LOXHD1: variants seen among roughly 807,000 people sequenced by gnomAD.
The protein encoded by LOXHD1 is lipoxygenase homology domain-containing protein 1.
LOXHD1 carries 205 observed loss-of-function variants against 248.2 expected under a neutral mutation model. The observed-to-expected ratio is 0.83, with a 90% confidence interval of 0.74 to 0.93. The LOEUF (loss-of-function observed/expected upper bound fraction) is 0.93. LOXHD1 is among the 40% of genes least tolerant of loss of function. The probability of loss-of-function intolerance (pLI) is 0.00; values close to 1 mark genes in which losing one functional copy is unlikely to be tolerated. For missense variants in LOXHD1, 2,930 were observed against 2,971.6 expected (o/e 0.99, Z 0.33); for synonymous variants, 1,113 against 1,162.8 (o/e 0.96, Z 0.87).
intron 8 of LOXHD1, among the ~76,000 whole-genome samples, chr18:46,595,321 G>A (rs1368098714): frequency 1.3e-5 from 2 of 152,174 alleles, no homozygotes; most frequent in African/African-American, 2.4e-5. Flanking sequence ...CTAAGAGATG[G>A]TGGGAGGGGA....
intron 23 of LOXHD1, 45 bp downstream of exon 23, chr18:46,545,272 T>C (rs994270905): frequency 7.1e-7 from 1 of 1,406,664 alleles, no homozygotes; most frequent in African/African-American, 1.4e-5. Flanking sequence ...CTGGTCTCCC[T>C]GGGGAAGAAT....
intron 38 of LOXHD1, 124 bp from the exon 39 acceptor site, chr18:46,485,275 G>A: frequency 8.0e-6 from 9 of 1,127,080 alleles, no homozygotes; most frequent in Middle Eastern, 5.5e-4. Flanking sequence ...GGGGGTGGGG[G>A]AGGCAGGTTA....
At chr18:46,548,830 A>G (rs2036962084) in intron 21 of LOXHD1, among the ~76,000 whole-genome samples, 1 of 152,200 alleles carries the variant, frequency 6.6e-6, no homozygotes, top group South Asian at 2.1e-4. Flanking sequence ...CCTCCCATGC[A>G]TACAAAGAGA....
At position 46,526,685 on chromosome 18, in the gene LOXHD1, G is replaced by A. The variant is rs1214928441; in HGVS notation, c.4531-1768C>T. On this transcript the variant is annotated intron_variant, in intron 29 of 40. Coordinates refer to ENST00000642948, the MANE Select transcript of LOXHD1 (RefSeq NM_001384474.1). ...ACCCATGGGGAGCCTTTGCAGGCTT[G>A]CACTGAAAGAGTGACTGGTCAGTTT... 3.3e-5 allele frequency among the ~76,000 whole-genome samples: 5 copies of A among 152,230 alleles called. No homozygotes were observed. In the East Asian group the frequency reaches 9.6e-4, roughly 29 times the overall value.
intron 37 of LOXHD1, among the ~76,000 whole-genome samples, chr18:46,501,765 T>C (rs1445313306): frequency 6.6e-6 from 1 of 152,170 alleles, no homozygotes; most frequent in African/African-American, 2.4e-5. Context: ...CCGTGAATAG[T>C]GAGAGCCAGC....
intron 29 of LOXHD1, 135 bp from the exon 30 acceptor site, chr18:46,525,052 G>C (rs2035767856): frequency 1.0e-6 from 1 of 1,004,338 alleles, no homozygotes; most frequent in Non-Finnish European, 1.5e-6. Context: ...GAGCCCTCCA[G>C]GCCCAAATCC....
chr18:46,535,094 A>G (rs965976540), intron 26 of LOXHD1, among the ~76,000 whole-genome samples: 1 of 152,150 alleles, frequency 6.6e-6, no homozygotes, highest in Admixed American at 6.5e-5. Flanking sequence ...TCTTCATGAC[A>G]GGCTCTTGTT....
intron 37 of LOXHD1, among the ~76,000 whole-genome samples, chr18:46,503,701 A>T (rs2034381121): frequency 1.3e-5 from 2 of 152,218 alleles, no homozygotes; most frequent in Admixed American, 1.3e-4. Context: ...TTCTTTCCAC[A>T]GACTCATAAT....
At chr18:46,540,652 A>ATATT (rs2036517962) in intron 25 of LOXHD1, among the ~76,000 whole-genome samples, 1 of 90,898 alleles carries the variant, frequency 1.1e-5, no homozygotes, top group African/African-American at 3.3e-5. Context: ...CAAACTCTTT[A>ATATT]TCTTTTTTTT....
chr18:46,543,874 G>C (rs1282307849), intron 23 of LOXHD1, among the ~76,000 whole-genome samples: 1 of 152,138 alleles, frequency 6.6e-6, no homozygotes, highest in African/African-American at 2.4e-5. Context: ...GGGAAACATG[G>C]GATTTCCTTC....
In LOXHD1 at chr18:46,505,960, A is replaced by G. The variant is rs1386527828; in HGVS notation, c.5756T>C (p.Leu1919Pro). 1 of 1,552,236 alleles carries G rather than the reference A, an allele frequency of 6.4e-7. No individual in the cohort carries two copies. The highest frequency in any genetic ancestry group is 8.7e-7 in the Non-Finnish European group (1 of 1,147,110). ...IFGENGDSGT[L>P]ALKQSANWNK... ...CCAGTTTGCCGACTGCTTCAGGGCC[A>G]GTGTCCCACTATCCCCGTTCTCCCC... Residue 1919 changes from leucine (L) to proline (P), a missense_variant, in exon 37 of 41, where the codon CTG becomes CCG. By Grantham distance (98) the Leu-to-Pro change is moderately conservative. Transcript: ENST00000642948.
At chr18:46,652,578 T>C (rs1407626067) in intron 1 of LOXHD1, among the ~76,000 whole-genome samples, 1 of 152,124 alleles carries the variant, frequency 6.6e-6, no homozygotes, top group Admixed American at 6.5e-5. Context: ...GGCAAGAAGG[T>C]GGAGCCATTG....
intron 37 of LOXHD1, among the ~76,000 whole-genome samples, chr18:46,492,815 A>G (rs2033581291): frequency 6.6e-6 from 1 of 152,202 alleles, no homozygotes; most frequent in African/African-American, 2.4e-5. Context: ...GTTGCCTGGT[A>G]TTTCATTGAA....
At chr18:46,540,470 C>T (rs1394447592) in intron 25 of LOXHD1, among the ~76,000 whole-genome samples, 1 of 152,120 alleles carries the variant, frequency 6.6e-6, no homozygotes, top group Non-Finnish European at 1.5e-5. Context: ...GGGTTTCTCC[C>T]TGACCCAAGA....
At chr18:46,579,275 T>C (rs1467127823) in intron 13 of LOXHD1, among the ~76,000 whole-genome samples, 2 of 152,206 alleles carry the variant, frequency 1.3e-5, no homozygotes, top group East Asian at 3.8e-4. Context: ...CTTCCCAGTG[T>C]CCTTCTGTTC....
At position 46,509,747 on chromosome 18, in the gene LOXHD1, C is replaced by T. The variant is rs1314340409; in HGVS notation, c.5468G>A (p.Arg1823Gln). ...ILDIAPFTKM[R>Q]IRIDGLGSRP... ...ACTGCCCAGGCCATCAATCCGGATC[C>T]GCATCTTGGTGAATGGAGCAATGTC... is the stretch of plus-strand genomic sequence containing the variant. Residue 1823 changes from arginine (R) to glutamine (Q), a missense_variant, in exon 35 of 41, where the codon CGG (arginine) becomes CAG (glutamine). Physicochemically the swap from Arg to Gln is conservative, Grantham distance 43. Transcript: ENST00000642948. The T allele has an allele frequency of 1.5e-5, 23 of 1,551,548 alleles. No individual in the cohort carries two copies. The highest frequency in any genetic ancestry group is 1.7e-4 in the Middle Eastern group (1 of 5,952).
intron 24 of LOXHD1, 93 bp from the exon 25 acceptor site, chr18:46,542,033 G>A (rs2144363031): frequency 8.0e-7 from 1 of 1,247,732 alleles, no homozygotes; most frequent in Non-Finnish European, 1.1e-6. Flanking sequence ...CCTTCCTTAG[G>A]TGGCTGGCTG....
At chr18:46,594,550 C>A in intron 8 of LOXHD1, 84 bp from the exon 9 acceptor site, 1 of 1,463,242 alleles carries the variant, frequency 6.8e-7, no homozygotes, top group Non-Finnish European at 9.3e-7. Context: ...CCCAGCCCCA[C>A]ATTTAGAGAC....
chr18:46,560,048 T>TGCCGGGGGG, intron 19 of LOXHD1, 35 bp downstream of exon 19: 1 of 1,226,298 alleles, frequency 8.2e-7, no homozygotes, highest in Non-Finnish European at 1.1e-6. Context: ...GTCTGGCCAC[T>TGCCGGGGGG]CCCTCCCCAC....
Sources: allele counts gnomAD v4.1 joint callset (sites outside exome capture counted in the v4.1 genomes callset), GRCh38; gene constraint gnomAD v4.1.1; transcripts MANE v1.5; gene names NCBI Gene and HGNC (gene_info 2026-07-23, HGNC 2026-07-21).